PPP2CB: variants seen among roughly 807,000 people sequenced by gnomAD.
PPP2CB encodes the protein serine/threonine-protein phosphatase 2A catalytic subunit beta isoform.
In PPP2CB, 18 loss-of-function variants were observed where a neutral mutation model predicts 39.1. That is an observed-to-expected ratio of 0.46 (90% CI 0.32 to 0.68). The LOEUF is 0.68. Ranked by LOEUF, PPP2CB falls within the 30% of genes least tolerant of loss-of-function variation. The pLI, the probability that PPP2CB is intolerant of heterozygous loss-of-function variation, is 0.04. For missense variants in PPP2CB, 226 were observed against 396.9 expected (o/e 0.57, Z 3.66); for synonymous variants, 129 against 133.8 (o/e 0.96, Z 0.25).
intron 1 of PPP2CB, among the ~76,000 whole-genome samples, chr8:30,803,047 G>C (rs1410841164): frequency 6.6e-6 from 1 of 152,202 alleles, no homozygotes; most frequent in Non-Finnish European, 1.5e-5. Context: ...AATTGTTTTG[G>C]AAGAAGTGAT....
chr8:30,786,662 CTTT>C (rs35450368), intron 6 of PPP2CB, among the ~76,000 whole-genome samples: 3 of 127,752 alleles, frequency 2.3e-5, no homozygotes, highest in South Asian at 4.8e-4. Flanking sequence ...AATAATATCA[CTTT>C]TTTTTTTTTT....
At position 30,812,609 on chromosome 8, in the gene PPP2CB, G is replaced by C. The variant is rs1806862001; in HGVS notation, c.-188C>G. Reference sequence around the variant, plus strand: ...CCCGCGCCCCGCCCAAGCCCAGCAGGCGGCTCCGAGCGCGCAGCCTGGAGG... The same window carrying C: ...CCCGCGCCCCGCCCAAGCCCAGCAGCCGGCTCCGAGCGCGCAGCCTGGAGG... On this transcript the variant is annotated 5_prime_UTR_variant, in exon 1 of 7. Coordinates refer to ENST00000221138, the MANE Select transcript of PPP2CB (RefSeq NM_001009552.2). 1 of 342,176 alleles carries C rather than the reference G, an allele frequency of 2.9e-6. No homozygotes were observed. Among genetic ancestry groups the C allele is most frequent in the South Asian group, 8.2e-5 (1 of 12,132 alleles). The allele number at this position is 342,176 out of a possible 1,614,324, so 21.2% of individuals were successfully genotyped here.
intron 1 of PPP2CB, among the ~76,000 whole-genome samples, chr8:30,809,194 G>A (rs1375806159): frequency 6.6e-6 from 1 of 151,762 alleles, no homozygotes; most frequent in East Asian, 1.9e-4. Flanking sequence ...GATTACAGGC[G>A]TGAGCCACTG....
At chr8:30,801,190 C>T (rs376277858) in intron 1 of PPP2CB, among the ~76,000 whole-genome samples, 179 of 151,014 alleles carry the variant, frequency 1.2e-3, no homozygotes, top group African/African-American at 3.9e-3. Context: ...CAGTTAACCC[C>T]GGGTGAGAGT....
intron 1 of PPP2CB, among the ~76,000 whole-genome samples, chr8:30,804,795 T>C (rs1806691075): frequency 1.3e-5 from 2 of 152,150 alleles, no homozygotes; most frequent in South Asian, 4.1e-4. Flanking sequence ...GAGAACAGTG[T>C]TAGGGACTGT....
At chr8:30,797,788 C>T in intron 2 of PPP2CB, 34 bp from the exon 3 acceptor site, 1 of 1,596,138 alleles carries the variant, frequency 6.3e-7, no homozygotes, top group African/African-American at 1.4e-5. Context: ...ATAGTAAAAT[C>T]ACATTTTTAC....
intron 1 of PPP2CB, among the ~76,000 whole-genome samples, chr8:30,806,383 T>C (rs190590798): frequency 2.8e-4 from 42 of 152,098 alleles, no homozygotes; most frequent in African/African-American, 9.9e-4. Context: ...AAATTTAGAG[T>C]TGAAAAGTAA....
rs1215965589 is a variant in PPP2CB at position 30,793,775 on chromosome 8, T to C, written c.738+142A>G. 14 of 924,686 alleles carry C rather than the reference T, an allele frequency of 1.5e-5. No individual in the cohort carries two copies. The East Asian group carries it at 3.3e-4, about 21-fold the overall frequency. The allele number at this position is 924,686 out of a possible 1,614,324, so 57.3% of individuals were successfully genotyped here. On this transcript the variant is annotated intron_variant, in intron 5 of 6. Transcript: ENST00000221138. ...TGCTCTGGTCTACTAGTGCTTTCCCTACTTGCTAAAACCAGCAAGTTTTTC... is the reference window on the plus strand; with the variant it reads ...TGCTCTGGTCTACTAGTGCTTTCCCCACTTGCTAAAACCAGCAAGTTTTTC...
Position 30,812,356 on chromosome 8 carries a change from C to T in PPP2CB, c.66G>A (p.Gln22=). The T allele has an allele frequency of 1.9e-6, 3 of 1,558,660 alleles. No individual in the cohort carries two copies. The highest frequency in any genetic ancestry group is 2.4e-5 in the East Asian group (1 of 40,862). ...GCGTCCGCACTTGGTTCTCGTTCAG[C>T]TGCTTACACTCGTTCAGCTGCTCGA... ...QWVEQLNECK[Q]LNENQVRTLC... Residue 22 remains glutamine, a synonymous_variant, in exon 1 of 7, where the codon CAG becomes CAA. Coordinates refer to ENST00000221138, the MANE Select transcript of PPP2CB (RefSeq NM_001009552.2).
Position 30,797,633 on chromosome 8 carries a change from T to C in PPP2CB, c.434A>G (p.Tyr145Cys). The change falls in exon 3 of 7, where the codon TAT becomes TGT. Residue 145 changes from tyrosine (Y) to cysteine (C), a missense_variant. Physicochemically the swap from Tyr to Cys is radical, Grantham distance 194. Coordinates refer to ENST00000221138, the MANE Select transcript of PPP2CB (RefSeq NM_001009552.2). ...AAGATAATCAAAGAGATCTGTAAAA[T>C]ATTTCCAAACGTTGGCATTCCCATA... is the stretch of plus-strand genomic sequence containing the variant. ...RKYGNANVWK[Y>C]FTDLFDYLPL... The C allele has an allele frequency of 6.2e-7, 1 of 1,613,948 alleles. No individual in the cohort carries two copies. The highest frequency in any genetic ancestry group is 8.5e-7 in the Non-Finnish European group (1 of 1,179,862).
chr8:30,797,696 G>A lies in PPP2CB; in HGVS notation c.371C>T (p.Thr124Ile). ...LRGNHESRQI[T>I]QVYGFYDECL... The stretch of plus-strand genomic sequence containing the variant: ...TTCATCATAAAAGCCATATACTTGG[G>A]TAATTTGTCGGCTTTCGTGATTTCC... Residue 124 changes from threonine (T) to isoleucine (I), a missense_variant, in exon 3 of 7, where the codon ACC becomes ATC. Transcript: ENST00000221138. The A allele has an allele frequency of 6.2e-7, 1 of 1,614,026 alleles. No homozygotes were observed. Among genetic ancestry groups the A allele is most frequent in the South Asian group, 1.1e-5 (1 of 91,084 alleles).
At chr8:30,803,763 A>G (rs1428422476) in intron 1 of PPP2CB, among the ~76,000 whole-genome samples, 1 of 132,010 alleles carries the variant, frequency 7.6e-6, no homozygotes, top group Non-Finnish European at 1.5e-5. Flanking sequence ...GACCTTAAAC[A>G]TTTTTAAATG....
chr8:30,801,390 G>A (rs1442254324), intron 1 of PPP2CB, among the ~76,000 whole-genome samples: 4 of 152,072 alleles, frequency 2.6e-5, no homozygotes, highest in African/African-American at 7.2e-5. Flanking sequence ...AAATTAGCCC[G>A]GCATGGTGGC....
At chr8:30,787,183 G>T in intron 6 of PPP2CB, among the ~76,000 whole-genome samples, 1 of 152,166 alleles carries the variant, frequency 6.6e-6, no homozygotes, top group African/African-American at 2.4e-5. Flanking sequence ...TTGCTGGTAC[G>T]TATGTTGGAA....
intron 2 of PPP2CB, 87 bp from the exon 3 acceptor site, chr8:30,797,841 C>T (rs1208130085): frequency 7.3e-7 from 1 of 1,375,140 alleles, no homozygotes; most frequent in Non-Finnish European, 9.9e-7. Flanking sequence ...CATTTTTAAA[C>T]ACGGCGCTTT....
At chr8:30,790,148 G>A (rs77012321) in intron 6 of PPP2CB, among the ~76,000 whole-genome samples, 1 of 150,260 alleles carries the variant, frequency 6.7e-6, no homozygotes, top group Non-Finnish European at 1.5e-5. Flanking sequence ...GGTTCTGGGT[G>A]GACATGAATT....
At chr8:30,809,223 A>C (rs145075612) in intron 1 of PPP2CB, among the ~76,000 whole-genome samples, 1 of 151,824 alleles carries the variant, frequency 6.6e-6, no homozygotes, top group African/African-American at 2.4e-5. Context: ...CAATGAATAT[A>C]TATCTTAGCA....
intron 5 of PPP2CB, 86 bp from the exon 6 acceptor site, chr8:30,791,401 T>C: frequency 1.1e-6 from 1 of 924,280 alleles, no homozygotes. Context: ...ACTCAAAAAC[T>C]ACAGGTACTC....
At chr8:30,800,477 A>G (rs1487394965) in intron 1 of PPP2CB, among the ~76,000 whole-genome samples, 1 of 152,248 alleles carries the variant, frequency 6.6e-6, no homozygotes, top group Non-Finnish European at 1.5e-5. Flanking sequence ...TTCATAGGCC[A>G]ACCTTGAATT....
Sources: allele counts gnomAD v4.1 joint callset (sites outside exome capture counted in the v4.1 genomes callset), GRCh38; gene constraint gnomAD v4.1.1; transcripts MANE v1.5; gene names NCBI Gene and HGNC (gene_info 2026-07-23, HGNC 2026-07-21).